RNF17: variants seen among roughly 807,000 people sequenced by gnomAD.
The protein encoded by RNF17 is ring finger protein 17.
RNF17 carries 31 observed loss-of-function variants against 200.5 expected under a neutral mutation model. The observed-to-expected ratio is 0.15, with a 90% CI of 0.12 to 0.21. The LOEUF (loss-of-function observed/expected upper bound fraction) is 0.21, where lower values mean the gene tolerates loss of function less well. RNF17 is among the 10% of genes least tolerant of loss of function. RNF17 has a pLI of 1.00. For missense variants in RNF17, 1,628 were observed against 1,905.1 expected, an observed-to-expected ratio of 0.85 and a Z score of 2.71; for synonymous variants, 606 against 637.8, an observed-to-expected ratio of 0.95 and a Z score of 0.75.
At chr13:24,825,163 T>G (rs966073248) in intron 15 of RNF17, among the ~76,000 whole-genome samples, 2 of 152,224 alleles carry the variant, frequency 1.3e-5, no homozygotes, top group Admixed American at 6.5e-5. Context: ...AAAAGTGTTA[T>G]GGAGATAACA....
At chr13:24,864,726 A>G in intron 28 of RNF17, 147 bp from the exon 29 acceptor site, 1 of 610,094 alleles carries the variant, frequency 1.6e-6, no homozygotes, top group Admixed American at 3.1e-5. Flanking sequence ...TCAAAATACC[A>G]GGAAGAAAAT....
At chr13:24,789,221 C>G in intron 7 of RNF17, 127 bp from the exon 8 acceptor site, 1 of 636,550 alleles carries the variant, frequency 1.6e-6, no homozygotes. Context: ...TTTGAGTGCC[C>G]CAAATTGAGC....
At chr13:24,871,676 A>G (rs1593491360) in intron 32 of RNF17, among the ~76,000 whole-genome samples, 1 of 135,568 alleles carries the variant, frequency 7.4e-6, no homozygotes, top group Non-Finnish European at 1.5e-5. Flanking sequence ...TCTGTTGCCC[A>G]GGCTGGAGTG....
At chr13:24,820,557 T>G (rs771550395) in intron 15 of RNF17, among the ~76,000 whole-genome samples, 6 of 152,134 alleles carry the variant, frequency 3.9e-5, no homozygotes, top group Non-Finnish European at 5.9e-5. Context: ...TGCGTCAGCC[T>G]CTTGAGTAGC....
intron 1 of RNF17, among the ~76,000 whole-genome samples, chr13:24,765,275 A>G (rs908316243): frequency 6.6e-5 from 10 of 152,038 alleles, no homozygotes; most frequent in Admixed American, 2.0e-4. Flanking sequence ...TTGGCCTCCC[A>G]AAGTGCTGGG....
intron 2 of RNF17, among the ~76,000 whole-genome samples, chr13:24,770,338 G>A (rs1303192937): frequency 2.0e-5 from 3 of 151,754 alleles, no homozygotes; most frequent in Non-Finnish European, 4.4e-5. Flanking sequence ...AGCTATAGGG[G>A]GTAAAAGAAA....
chr13:24,853,605 T>G lies in RNF17; in HGVS notation c.3321-250T>G, dbSNP rs577201284. On this transcript the variant is annotated intron_variant, in intron 24 of 35. Coordinates refer to ENST00000255324, the MANE Select transcript of RNF17 (RefSeq NM_031277.3). ...TTGTACAATGCTTGAGATATACATA[T>G]GAAATTTTAAGAGAGCATAGTCTGT... Among the ~76,000 whole-genome samples the G allele has an allele frequency of 1.3e-4, 20 of 152,322 alleles. No individual in the cohort carries two copies. In the South Asian group the frequency reaches 4.1e-3, roughly 32 times the overall value.
chr13:24,789,590 T>C (rs1344065110), intron 8 of RNF17, 108 bp from the exon 9 acceptor site: 1 of 923,264 alleles, frequency 1.1e-6, no homozygotes, highest in South Asian at 1.6e-5. Context: ...TAGAAAGTTA[T>C]TTAAATGTTT....
chr13:24,812,231 C>T (rs1470002798), intron 15 of RNF17, among the ~76,000 whole-genome samples: 1 of 151,426 alleles, frequency 6.6e-6, no homozygotes, highest in African/African-American at 2.4e-5. Flanking sequence ...GCGGGCGCCC[C>T]TCCCCCAGCC....
intron 2 of RNF17, among the ~76,000 whole-genome samples, chr13:24,773,525 A>C (rs1359208313): frequency 2.0e-5 from 3 of 152,182 alleles, no homozygotes; most frequent in Non-Finnish European, 4.4e-5. Context: ...TAAACGTGGA[A>C]ACAGTAGACA....
chr13:24,753,405 T>C, the RNF17 span, among the ~76,000 whole-genome samples: 2 of 152,158 alleles, frequency 1.3e-5, no homozygotes, highest in Non-Finnish European at 2.9e-5. Flanking sequence ...AAGAGACACT[T>C]CAGTGCTGAA....
At chr13:24,807,496 G>GTT (rs1448781456) in intron 15 of RNF17, among the ~76,000 whole-genome samples, 1 of 152,054 alleles carries the variant, frequency 6.6e-6, no homozygotes. Flanking sequence ...TGATGGGGTT[G>GTT]TTTTTTTCTT....
At chr13:24,841,821 G>C (rs1468660540) in intron 18 of RNF17, among the ~76,000 whole-genome samples, 1 of 151,990 alleles carries the variant, frequency 6.6e-6, no homozygotes, top group Non-Finnish European at 1.5e-5. Flanking sequence ...AATTAGCCGG[G>C]CGTGGTGGCG....
At position 24,774,883 on chromosome 13, in the gene RNF17, T is replaced by C. The variant is rs1446482212; in HGVS notation, c.296T>C (p.Met99Thr). 5.6e-6 allele frequency: 9 copies of C among 1,607,344 alleles called. No individual in the cohort carries two copies. Among genetic ancestry groups the C allele is most frequent in the Non-Finnish European group, 7.7e-6 (9 of 1,174,072 alleles). ...MAGYIKEDSIMEKLQPKTIKN... is the reference protein window; with the variant it reads ...MAGYIKEDSITEKLQPKTIKN... ...GGATATATTAAGGAAGACTCCATAATGGAAAAACTGCAGCCTAAGACGTAT... is the reference window on the plus strand; with the variant it reads ...GGATATATTAAGGAAGACTCCATAACGGAAAAACTGCAGCCTAAGACGTAT... The change falls in exon 3 of 36, where the codon ATG becomes ACG. Residue 99 changes from methionine (M) to threonine (T), a missense_variant. Physicochemically the swap from Met to Thr is moderately conservative, Grantham distance 81 (BLOSUM62 -1). Transcript: ENST00000255324.
intron 3 of RNF17, among the ~76,000 whole-genome samples, chr13:24,777,042 C>T (rs1182630496): frequency 1.3e-5 from 2 of 152,112 alleles, no homozygotes; most frequent in Non-Finnish European, 2.9e-5. Flanking sequence ...AAATTTATGT[C>T]AATTATATCT....
intron 34 of RNF17, among the ~76,000 whole-genome samples, chr13:24,878,062 A>G (rs947984541): frequency 5.9e-5 from 9 of 152,202 alleles, no homozygotes; most frequent in African/African-American, 2.2e-4. Context: ...CCCCTTAGAT[A>G]GGAACATGTG....
chr13:24,764,155 G>T (rs372037129), upstream of RNF17: 2 of 1,530,304 alleles, frequency 1.3e-6, no homozygotes, highest in South Asian at 2.4e-5. Context: ...CTGCCGCGAG[G>T]GCCGCCGGGA....
At chr13:24,847,620 A>G (rs1294168468) in intron 22 of RNF17, among the ~76,000 whole-genome samples, 1 of 152,186 alleles carries the variant, frequency 6.6e-6, no homozygotes, top group African/African-American at 2.4e-5. Flanking sequence ...TGCTGGGATT[A>G]TGGCGTGAGT....
chr13:24,846,412 C>G (rs1328840780), intron 22 of RNF17, among the ~76,000 whole-genome samples: 12 of 152,154 alleles, frequency 7.9e-5, no homozygotes, highest in Non-Finnish European at 1.6e-4. Context: ...GGCCCTCCCC[C>G]AGAGGTTCAG....
Sources: allele counts gnomAD v4.1 joint callset (sites outside exome capture counted in the v4.1 genomes callset), GRCh38; gene constraint gnomAD v4.1.1; transcripts MANE v1.5; gene names NCBI Gene and HGNC (gene_info 2026-07-23, HGNC 2026-07-21).